Variants in TMEM170A observed in about 807,000 individuals in gnomAD.
The protein encoded by TMEM170A is transmembrane protein 170A.
Under a neutral mutation model 12.8 loss-of-function variants are expected in TMEM170A, and 18 were observed. The observed-to-expected ratio is 1.41, with a 90% confidence interval of 0.97 to 2.09. TMEM170A has a LOEUF of 2.09. TMEM170A is among the 30% of genes most tolerant of loss of function. TMEM170A has a pLI of 0.00. For synonymous variants in TMEM170A, 107 were observed against 76.2 expected (o/e 1.40, Z -2.11); for missense variants, 220 against 179.9 (o/e 1.22, Z -1.28).
chr16:75,453,303 G>A (rs2079722201), intron 1 of TMEM170A, among the ~76,000 whole-genome samples: 1 of 152,098 alleles, frequency 6.6e-6, no homozygotes, highest in Non-Finnish European at 1.5e-5. Context: ...GCATGGTATT[G>A]CATACCTGTA....
At chr16:75,457,905 T>C (rs1254907215) in intron 1 of TMEM170A, among the ~76,000 whole-genome samples, 1 of 152,206 alleles carries the variant, frequency 6.6e-6, no homozygotes, top group South Asian at 2.1e-4. Flanking sequence ...AAAGGTTTAT[T>C]ATAGATGAGT....
At chr16:75,456,262 G>C (rs984066508) in intron 1 of TMEM170A, among the ~76,000 whole-genome samples, 1 of 152,024 alleles carries the variant, frequency 6.6e-6, no homozygotes, top group African/African-American at 2.4e-5. Flanking sequence ...AAAACATCAA[G>C]GATGCCCCAA....
intron 1 of TMEM170A, among the ~76,000 whole-genome samples, chr16:75,460,358 A>C (rs2079881434): frequency 6.6e-6 from 1 of 152,070 alleles, no homozygotes; most frequent in Admixed American, 6.6e-5. Context: ...TCTCTGTTCA[A>C]AATTCCCCAG....
At chr16:75,453,194 G>A (rs2079720253) in intron 1 of TMEM170A, among the ~76,000 whole-genome samples, 1 of 152,156 alleles carries the variant, frequency 6.6e-6, no homozygotes, top group African/African-American at 2.4e-5. Context: ...AACACTTCAG[G>A]TGGCCAAGGT....
At chr16:75,458,038 C>T (rs1467166510) in intron 1 of TMEM170A, among the ~76,000 whole-genome samples, 1 of 152,194 alleles carries the variant, frequency 6.6e-6, no homozygotes, top group Non-Finnish European at 1.5e-5. Flanking sequence ...ATCTACTGCA[C>T]CTTAATTTGC....
intron 2 of TMEM170A, among the ~76,000 whole-genome samples, chr16:75,449,556 C>T (rs1207811661): frequency 6.6e-6 from 1 of 152,108 alleles, no homozygotes; most frequent in Non-Finnish European, 1.5e-5. Flanking sequence ...TGGACTTAAG[C>T]AATCCTCCCA....
At chr16:75,454,876 G>A (rs1205531916) in intron 1 of TMEM170A, among the ~76,000 whole-genome samples, 1 of 152,156 alleles carries the variant, frequency 6.6e-6, no homozygotes, top group Non-Finnish European at 1.5e-5. Flanking sequence ...GGCCCTTGCT[G>A]CAACAATTTT....
In TMEM170A at chr16:75,451,828, C is replaced by A. The variant is rs753896819; in HGVS notation, c.145G>T (p.Gly49Cys). Reference protein sequence around the residue: ...SLCSFPEMWYGVFLWALVSSL... With the variant: ...SLCSFPEMWYCVFLWALVSSL... ...GACACCAGTGCCCACAGGAATACAC[C>A]ATACCACATCTCTATGAGGGAAGAC... The change falls in exon 2 of 3, where the codon GGT (glycine) becomes TGT (cysteine). Residue 49 changes from glycine (G) to cysteine (C), a missense_variant. Transcript: ENST00000561878. 2 of 1,611,872 alleles carry A rather than the reference C, an allele frequency of 1.2e-6. No individual in the cohort carries two copies. Among genetic ancestry groups the A allele is most frequent in the Admixed American group, 3.4e-5 (2 of 59,556 alleles).
intron 1 of TMEM170A, among the ~76,000 whole-genome samples, chr16:75,454,250 T>C (rs777116463): frequency 6.8e-6 from 1 of 147,842 alleles, no homozygotes; most frequent in Admixed American, 6.7e-5. Flanking sequence ...TTTCCAGACA[T>C]TGTCAAATGT....
At chr16:75,453,622 T>C (rs1218211250) in intron 1 of TMEM170A, among the ~76,000 whole-genome samples, 2 of 152,326 alleles carry the variant, frequency 1.3e-5, no homozygotes, top group East Asian at 1.9e-4. Context: ...TGAAAGACAA[T>C]GCAGTAAATA....
chr16:75,460,467 C>T (rs908254369), intron 1 of TMEM170A, among the ~76,000 whole-genome samples: 4 of 152,176 alleles, frequency 2.6e-5, no homozygotes, highest in African/African-American at 9.7e-5. Context: ...CTGCAAGCTC[C>T]TGTTTCAGGG....
Position 75,460,463 on chromosome 16 carries a change from G to C in TMEM170A, c.133+4005C>G, listed in dbSNP as rs542185543. Among the ~76,000 whole-genome samples the C allele has an allele frequency of 8.5e-5, 13 of 152,218 alleles. No homozygotes were observed. In the South Asian group the frequency reaches 2.3e-3, roughly 27 times the overall value. On this transcript the variant is annotated intron_variant, in intron 1 of 2. Transcript: ENST00000561878. ...GGGCTCCTCAGTGTTTCTTCTGCAA[G>C]CTCCTGTTTCAGGGCCTCTGAATCT...
In TMEM170A at chr16:75,444,857, C is replaced by T. The variant is rs2079557369; in HGVS notation, c.*2701G>A. The T allele has an allele frequency of 6.6e-6, 1 of 152,104 alleles. No homozygotes were observed. Among genetic ancestry groups the T allele is most frequent in the Non-Finnish European group, 1.5e-5 (1 of 68,016 alleles). The allele number at this position is 152,104 out of a possible 1,614,324, so 9.4% of individuals were successfully genotyped here. ...ATCAAACAAGAAACAGAAACAAATA[C>T]ACCTTTCAAAATGCCCTAATTTTAA... On this transcript the variant is annotated 3_prime_UTR_variant, in exon 3 of 3. Coordinates refer to ENST00000561878, the MANE Select transcript of TMEM170A (RefSeq NM_145254.3).
chr16:75,447,312 TAAATC>T lies in TMEM170A; in HGVS notation c.*241_*245del. 1 of 306,056 alleles carries T rather than the reference TAAATC, an allele frequency of 3.3e-6. No homozygotes were observed. Among genetic ancestry groups the T allele is most frequent in the Non-Finnish European group, 5.8e-6 (1 of 171,566 alleles). 19.0% of individuals were successfully genotyped at this position (306,056 alleles called of 1,614,324 possible). ...GGTAAAGGTACACATGAAAACTGCT[TAAATC>T]AAATATCTACAAAAAAGAAAGCCAA... On this transcript the variant is annotated 3_prime_UTR_variant, in exon 3 of 3. Transcript: ENST00000561878.
rs199557476 is a variant in TMEM170A, at chr16:75,447,600, G to A, written c.393C>T (p.Cys131=). 35 of 1,611,752 alleles carry A rather than the reference G, an allele frequency of 2.2e-5. No homozygotes were observed. Among genetic ancestry groups the A allele is most frequent in the African/African-American group, 9.4e-5 (7 of 74,682 alleles). Residue 131 remains cysteine, a synonymous_variant, in exon 3 of 3, where the codon TGC becomes TGT. Transcript: ENST00000561878. The part of the protein sequence containing the change: ...ALTLGTGQTF[C]VLVVSFLRIL... ...TCCGTAAAAAGGAGACCACCAAGAC[G>A]CAAAATGTCTGTCCAGTGCCCAGTG...
intron 1 of TMEM170A, among the ~76,000 whole-genome samples, chr16:75,455,001 C>T (rs144647281): frequency 4.9e-4 from 75 of 152,310 alleles, no homozygotes; most frequent in Middle Eastern, 3.4e-3. Flanking sequence ...GCATGGCTAT[C>T]ACTGCAGAAT....
chr16:75,464,483 G>A lies in TMEM170A; in HGVS notation c.118C>T (p.Leu40Phe), dbSNP rs1269613685. The change falls in exon 1 of 3, where the codon CTC (leucine) becomes TTC (phenylalanine). Residue 40 changes from leucine (L) to phenylalanine (F), a missense_variant. Leu to Phe is a conservative substitution (Grantham distance 22). Transcript: ENST00000561878. ...CGGGCCGTACCTGGGAAGGAGCAGA[G>A]GGAAGTAGAGTTGGGGCACAGGGTC... is the stretch of plus-strand genomic sequence containing the variant. ...NGTLCPNSTS[L>F]CSFPEMWYGV... is the part of the protein sequence containing the mutation. 2.1e-5 allele frequency: 32 copies of A among 1,560,464 alleles called. No homozygotes were observed. Among genetic ancestry groups the A allele is most frequent in the Non-Finnish European group, 2.8e-5 (32 of 1,157,572 alleles).
rs769830936 is a variant in TMEM170A, at chr16:75,451,798, G to C, written c.175C>G (p.Leu59Val). The C allele has an allele frequency of 1.5e-5, 25 of 1,613,886 alleles. No individual in the cohort carries two copies. In the East Asian group the frequency reaches 4.5e-4, roughly 29 times the overall value. ...AATCCAGCAGGGACATGAAAGAAGA[G>C]AGAAGACACCAGTGCCCACAGGAAT... ...GVFLWALVSS[L>V]FFHVPAGLLA... Residue 59 changes from leucine (L) to valine (V), a missense_variant, in exon 2 of 3, where the codon CTC becomes GTC. Transcript: ENST00000561878.
chr16:75,463,379 C>CGAA (rs1305487902), intron 1 of TMEM170A, among the ~76,000 whole-genome samples: 1 of 151,844 alleles, frequency 6.6e-6, no homozygotes, highest in African/African-American at 2.4e-5. Context: ...TGACCACAAG[C>CGAA]GAACATCTGC....
Sources: allele counts gnomAD v4.1 joint callset (sites outside exome capture counted in the v4.1 genomes callset), GRCh38; gene constraint gnomAD v4.1.1; transcripts MANE v1.5; gene names NCBI Gene and HGNC (gene_info 2026-07-23, HGNC 2026-07-21).